PSMD12: variants seen among roughly 807,000 people sequenced by gnomAD.
PSMD12 encodes 26S proteasome non-ATPase regulatory subunit 12.
Under a neutral mutation model 62.9 loss-of-function variants are expected in PSMD12, and 8 were observed. That is an observed-to-expected ratio of 0.13 (90% confidence interval 0.07 to 0.23). The LOEUF (loss-of-function observed/expected upper bound fraction) is 0.23, where lower values mean the gene tolerates loss of function less well. Among genes scored for constraint, PSMD12 ranks in the 10% least tolerant of loss-of-function variants. The pLI is 1.00. For synonymous variants in PSMD12, 173 were observed against 187.4 expected (o/e 0.92, Z 0.63); for missense variants, 424 against 550.2 (o/e 0.77, Z 2.29).
chr17:67,364,810 C>A (rs1190108829), intron 1 of PSMD12, among the ~76,000 whole-genome samples: 2 of 152,166 alleles, frequency 1.3e-5, no homozygotes, highest in East Asian at 3.9e-4. Flanking sequence ...ATCGACAATA[C>A]TCGGCCTTCA....
chr17:67,350,288 T>C lies in PSMD12; in HGVS notation c.346A>G (p.Thr116Ala). 1 of 1,613,410 alleles carries C rather than the reference T, an allele frequency of 6.2e-7. No individual in the cohort carries two copies. Among genetic ancestry groups the C allele is most frequent in the Non-Finnish European group, 8.5e-7 (1 of 1,179,782 alleles). ...QQCCTYVEEI[T>A]DLPIKLRLID... ...AATCGAAGTTTGATAGGAAGGTCTGTGATTTCCTCAACATAAGTACAGCAC... is the reference window on the plus strand; with the variant it reads ...AATCGAAGTTTGATAGGAAGGTCTGCGATTTCCTCAACATAAGTACAGCAC... The change falls in exon 4 of 11, where the codon ACA (threonine) becomes GCA (alanine). Residue 116 changes from threonine (T) to alanine (A), a missense_variant. Transcript: ENST00000356126.
intron 5 of PSMD12, 54 bp from the exon 6 acceptor site, chr17:67,347,539 G>A: frequency 6.7e-7 from 1 of 1,488,070 alleles, no homozygotes; most frequent in Non-Finnish European, 9.1e-7. Context: ...TTTGTGAATT[G>A]CAATAAAATG....
intron 1 of PSMD12, among the ~76,000 whole-genome samples, chr17:67,358,861 T>A (rs2042103941): frequency 6.6e-6 from 1 of 152,326 alleles, no homozygotes; most frequent in South Asian, 2.1e-4. Flanking sequence ...AAATACAGTT[T>A]CTGACAACTT....
intron 3 of PSMD12, among the ~76,000 whole-genome samples, chr17:67,353,776 C>A (rs1459359428): frequency 6.6e-6 from 1 of 152,142 alleles, no homozygotes. Context: ...GGGAAAGGAG[C>A]ATGCCTGGCT....
chr17:67,354,783 A>C (rs2042051434), intron 3 of PSMD12, among the ~76,000 whole-genome samples: 1 of 152,068 alleles, frequency 6.6e-6, no homozygotes, highest in Admixed American at 6.5e-5. Context: ...TGAGGTCAGG[A>C]GTTCGAGACC....
At chr17:67,355,688 C>T (rs965443830) in intron 3 of PSMD12, among the ~76,000 whole-genome samples, 1 of 152,068 alleles carries the variant, frequency 6.6e-6, no homozygotes, top group East Asian at 1.9e-4. Context: ...AAAATGAGAT[C>T]TACTTGTACA....
intron 1 of PSMD12, among the ~76,000 whole-genome samples, chr17:67,364,984 G>C (rs1204595577): frequency 6.6e-6 from 1 of 152,004 alleles, no homozygotes; most frequent in Non-Finnish European, 1.5e-5. Context: ...AGGAGGTCGC[G>C]TGCGACCAGC....
intron 1 of PSMD12, among the ~76,000 whole-genome samples, chr17:67,360,256 T>C (rs2042117092): frequency 1.3e-5 from 2 of 152,244 alleles, no homozygotes; most frequent in African/African-American, 2.4e-5. Context: ...ATCAATAAAG[T>C]GTGGTTTAAT....
chr17:67,347,510 G>A, intron 5 of PSMD12, 25 bp from the exon 6 acceptor site: 1 of 1,585,872 alleles, frequency 6.3e-7, no homozygotes, highest in Non-Finnish European at 8.5e-7. Flanking sequence ...CCCCAAATAA[G>A]TTTATAATAC....
intron 1 of PSMD12, among the ~76,000 whole-genome samples, chr17:67,358,020 C>G (rs911153040): frequency 6.6e-6 from 1 of 151,996 alleles, no homozygotes; most frequent in Non-Finnish European, 1.5e-5. Context: ...CTCCCGGGTT[C>G]TAGCGATTCT....
chr17:67,359,910 A>G (rs1164681101), intron 1 of PSMD12, among the ~76,000 whole-genome samples: 4 of 152,234 alleles, frequency 2.6e-5, no homozygotes, highest in Non-Finnish European at 5.9e-5. Context: ...GAATCTTAGA[A>G]CTAGAAAGAC....
intron 7 of PSMD12, among the ~76,000 whole-genome samples, chr17:67,346,221 T>G (rs185812077): frequency 3.3e-5 from 5 of 152,054 alleles, no homozygotes; most frequent in Non-Finnish European, 5.9e-5. Flanking sequence ...GGTGAAACCC[T>G]GTCTCTACTA....
At chr17:67,346,329 A>T (rs2041965930) in intron 7 of PSMD12, among the ~76,000 whole-genome samples, 1 of 151,270 alleles carries the variant, frequency 6.6e-6, no homozygotes, top group Admixed American at 6.6e-5. Flanking sequence ...TGGGAGGAGG[A>T]GCTTGCAGTG....
chr17:67,352,250 A>G (rs1013391597), intron 3 of PSMD12, among the ~76,000 whole-genome samples: 2 of 151,878 alleles, frequency 1.3e-5, no homozygotes, highest in African/African-American at 4.8e-5. Flanking sequence ...GTGCCACCAC[A>G]CTCAGCTAAT....
chr17:67,354,304 G>C (rs1456457117), intron 3 of PSMD12, among the ~76,000 whole-genome samples: 3 of 152,064 alleles, frequency 2.0e-5, no homozygotes, highest in Non-Finnish European at 4.4e-5. Context: ...CCAGCTACTC[G>C]GGAGGCTGAT....
intron 1 of PSMD12, among the ~76,000 whole-genome samples, chr17:67,362,057 A>G (rs2042135794): frequency 6.6e-6 from 1 of 152,142 alleles, no homozygotes; most frequent in African/African-American, 2.4e-5. Context: ...TTTCACAAAA[A>G]AGATTTTGCA....
intron 5 of PSMD12, among the ~76,000 whole-genome samples, 184 bp from the exon 6 acceptor site, chr17:67,347,669 T>A (rs1302644722): frequency 1.3e-5 from 2 of 152,158 alleles, no homozygotes; most frequent in African/African-American, 2.4e-5. Context: ...TATAATGGAT[T>A]TTCCCCCTTT....
At chr17:67,341,122 G>A (rs994544728) in intron 10 of PSMD12, 70 bp from the exon 11 acceptor site, 3 of 1,207,768 alleles carry the variant, frequency 2.5e-6, no homozygotes, top group Admixed American at 2.7e-5. Context: ...CTTCAGAAAA[G>A]CATTTTCTGA....
At chr17:67,359,010 T>C (rs938428906) in intron 1 of PSMD12, among the ~76,000 whole-genome samples, 2 of 152,212 alleles carry the variant, frequency 1.3e-5, no homozygotes, top group African/African-American at 4.8e-5. Context: ...CAAGTTATCC[T>C]ATTAGGAACC....
Sources: gnomAD v4.1 joint callset for allele counts (sites outside exome capture counted in the v4.1 genomes callset) on GRCh38, gnomAD v4.1.1 for gene constraint, MANE v1.5 for transcripts, NCBI Gene and HGNC (gene_info 2026-07-23, HGNC 2026-07-21) for gene names.